The following STPG2 variants were observed in gnomAD, a reference collection of about 807,000 sequenced individuals.
STPG2 encodes sperm-tail PG-rich repeat-containing protein 2.
Under a neutral mutation model 54.2 loss-of-function variants are expected in STPG2, and 56 were observed. The observed-to-expected ratio is 1.03, with a 90% CI of 0.83 to 1.29. The LOEUF (loss-of-function observed/expected upper bound fraction) is 1.29, where lower values mean the gene tolerates loss of function less well. Among genes scored for constraint, STPG2 ranks in the 50% most tolerant of loss-of-function variants. The probability of loss-of-function intolerance (pLI) is 0.00; values close to 1 mark genes in which losing one functional copy is unlikely to be tolerated. For synonymous variants in STPG2, 200 were observed against 181.8 expected, an observed-to-expected ratio of 1.10 and a Z score of -0.81; for missense variants, 596 against 544.9, an observed-to-expected ratio of 1.09 and a Z score of -0.93.
At chr4:97,582,230 A>G (rs979094824) in intron 10 of STPG2, among the ~76,000 whole-genome samples, 4 of 152,034 alleles carry the variant, frequency 2.6e-5, no homozygotes, top group Admixed American at 6.6e-5. Flanking sequence ...ACAAACTGCC[A>G]ATATCTATAT....
intron 9 of STPG2, among the ~76,000 whole-genome samples, chr4:97,738,992 A>T (rs1475521895): frequency 2.0e-5 from 3 of 152,126 alleles, no homozygotes; most frequent in Non-Finnish European, 2.9e-5. Flanking sequence ...ATGTAAAAGA[A>T]CAGAAATTAT....
chr4:97,441,623 A>G (rs1421084580), intron 4 of STPG2: 1 of 152,028 alleles, frequency 6.6e-6, no homozygotes, highest in East Asian at 1.9e-4. Context: ...TGGCTTCTCT[A>G]GTTAAATTAC....
At chr4:97,500,149 G>A (rs1730693076) in intron 4 of STPG2, among the ~76,000 whole-genome samples, 1 of 151,932 alleles carries the variant, frequency 6.6e-6, no homozygotes, top group South Asian at 2.1e-4. Context: ...TGATGATAGT[G>A]GTAGCAAAAG....
At chr4:98,018,457 GA>G (rs1386755201) in intron 5 of STPG2, among the ~76,000 whole-genome samples, 3 of 152,170 alleles carry the variant, frequency 2.0e-5, no homozygotes, top group Non-Finnish European at 4.4e-5. Flanking sequence ...TTGCGATTGT[GA>G]GTAGTGCCAC....
chr4:97,866,676 C>T (rs1172670324), intron 8 of STPG2, among the ~76,000 whole-genome samples: 2 of 151,484 alleles, frequency 1.3e-5, no homozygotes, highest in Non-Finnish European at 2.9e-5. Context: ...ACTTTTTTTT[C>T]AACTTTCTTC....
chr4:97,609,298 G>A (rs926448223), intron 10 of STPG2, among the ~76,000 whole-genome samples: 3 of 151,982 alleles, frequency 2.0e-5, no homozygotes, highest in African/African-American at 7.2e-5. Context: ...GAAGTAGATA[G>A]TATTCCCACT....
chr4:97,799,217 C>T (rs1431581817), intron 9 of STPG2, among the ~76,000 whole-genome samples: 8 of 151,092 alleles, frequency 5.3e-5, no homozygotes, highest in Non-Finnish European at 1.0e-4. Context: ...TGAATTTGAT[C>T]CTGTCATTCT....
At chr4:97,869,652 A>G (rs1434768635) in intron 8 of STPG2, among the ~76,000 whole-genome samples, 1 of 151,664 alleles carries the variant, frequency 6.6e-6, no homozygotes, top group African/African-American at 2.4e-5. Context: ...CAGCCAAGCT[A>G]CTATAGTCAA....
chr4:97,568,322 T>C (rs565002043), intron 10 of STPG2, among the ~76,000 whole-genome samples: 2 of 152,290 alleles, frequency 1.3e-5, no homozygotes, highest in East Asian at 1.9e-4. Context: ...AATAAATGTG[T>C]TGTTGATTTC....
At chr4:97,619,275 T>C (rs969239922) in intron 10 of STPG2, among the ~76,000 whole-genome samples, 1 of 151,974 alleles carries the variant, frequency 6.6e-6, no homozygotes, top group African/African-American at 2.4e-5. Flanking sequence ...GTGTATTTAA[T>C]GCCTATTATC....
chr4:98,061,957 G>A (rs137991859), intron 5 of STPG2, among the ~76,000 whole-genome samples: 169 of 152,262 alleles, frequency 1.1e-3, no homozygotes, highest in African/African-American at 3.9e-3. Flanking sequence ...TATATACCCA[G>A]AGGAATATAA....
At chr4:97,564,565 C>T (rs1732368471) in intron 10 of STPG2, among the ~76,000 whole-genome samples, 1 of 152,200 alleles carries the variant, frequency 6.6e-6, no homozygotes, top group Admixed American at 6.5e-5. Context: ...TTTGCAGTGA[C>T]TGGTACTGGT....
intron 10 of STPG2, among the ~76,000 whole-genome samples, chr4:97,697,641 G>T (rs1723622616): frequency 6.6e-6 from 1 of 152,114 alleles, no homozygotes; most frequent in South Asian, 2.1e-4. Context: ...CCCAAATCTG[G>T]CTATAAACTG....
At chr4:98,117,873 T>C (rs1739566743) in intron 3 of STPG2, among the ~76,000 whole-genome samples, 1 of 152,158 alleles carries the variant, frequency 6.6e-6, no homozygotes, top group African/African-American at 2.4e-5. Flanking sequence ...TTTATTTCTT[T>C]GAACATATTT....
chr4:98,101,134 A>G (rs1739024571), intron 5 of STPG2, among the ~76,000 whole-genome samples: 1 of 152,168 alleles, frequency 6.6e-6, no homozygotes, highest in Non-Finnish European at 1.5e-5. Context: ...TGTTCATAGC[A>G]GCTATTGAAA....
intron 5 of STPG2, among the ~76,000 whole-genome samples, chr4:98,027,085 C>T (rs993369200): frequency 6.6e-6 from 1 of 152,174 alleles, no homozygotes; most frequent in Non-Finnish European, 1.5e-5. Context: ...GCAGACGGCT[C>T]TTCCTTTGAA....
intron 8 of STPG2, among the ~76,000 whole-genome samples, chr4:97,935,822 T>C (rs13124904): frequency 0.39 from 59,285 of 151,956 alleles, 11,684 homozygotes; most frequent in Middle Eastern, 0.46. Context: ...TTAGAGTAAG[T>C]TCTGTGTGGC....
chr4:97,861,978 G>A (rs1004355216), intron 8 of STPG2, among the ~76,000 whole-genome samples: 22 of 152,058 alleles, frequency 1.4e-4, no homozygotes, highest in African/African-American at 5.3e-4. Context: ...ATGCCAAATT[G>A]TAAAGACCAT....
At chr4:97,816,560 G>C (rs1727917287) in intron 9 of STPG2, among the ~76,000 whole-genome samples, 1 of 152,078 alleles carries the variant, frequency 6.6e-6, no homozygotes. Flanking sequence ...ATGTCTGTGA[G>C]AGTGTTTCTG....
Sources: allele counts gnomAD v4.1 joint callset (sites outside exome capture counted in the v4.1 genomes callset), GRCh38; gene constraint gnomAD v4.1.1; transcripts MANE v1.5; gene names NCBI Gene and HGNC (gene_info 2026-07-23, HGNC 2026-07-21).